The following LOC400499 variants were observed in gnomAD, a reference collection of about 807,000 sequenced individuals.
the LOC400499 span, among the ~76,000 whole-genome samples, chr16:11,438,580 G>A: frequency 1.9e-4 from 28 of 144,490 alleles, no homozygotes; most frequent in Non-Finnish European, 4.0e-4. Context: ...AGGCCAGCCT[G>A]GGCAACATAG....
chr16:11,385,842 C>T, the LOC400499 span, among the ~76,000 whole-genome samples: 1 of 152,202 alleles, frequency 6.6e-6, no homozygotes, highest in Non-Finnish European at 1.5e-5. Context: ...AGGCACAACT[C>T]TGAATAAATT....
At chr16:11,433,440 C>T in the LOC400499 span, among the ~76,000 whole-genome samples, 1 of 152,154 alleles carries the variant, frequency 6.6e-6, no homozygotes, top group South Asian at 2.1e-4. Flanking sequence ...CAATTTGTAC[C>T]AGAATGTGCA....
At chr16:11,407,163 C>A in the LOC400499 span, 1 of 398,920 alleles carries the variant, frequency 2.5e-6, no homozygotes, top group Non-Finnish European at 4.4e-6. Flanking sequence ...GGCCCCCCAC[C>A]CCAGCGTGCT....
chr16:11,391,932 G>T, the LOC400499 span: 2 of 792,532 alleles, frequency 2.5e-6, no homozygotes, highest in Non-Finnish European at 3.4e-6. Context: ...CTCCTGCCTG[G>T]TGAGTGGGGG....
the LOC400499 span, chr16:11,488,647 T>C: frequency 2.5e-6 from 1 of 397,956 alleles, no homozygotes; most frequent in Non-Finnish European, 4.4e-6. Context: ...GAGCTGGAGC[T>C]CCAGGGTCCC....
At chr16:11,489,196 T>A in the LOC400499 span, among the ~76,000 whole-genome samples, 3 of 152,316 alleles carry the variant, frequency 2.0e-5, no homozygotes, top group Non-Finnish European at 4.4e-5. Flanking sequence ...GGGTGGTCCC[T>A]CTGCCTCTCC....
chr16:11,424,087 G>A, the LOC400499 span: 3,608 of 399,438 alleles, frequency 9.0e-3, 25 homozygotes, highest in Non-Finnish European at 0.012. Context: ...GAGGGCCCGG[G>A]TGCAGCCCCC....
the LOC400499 span, chr16:11,383,619 G>A: frequency 8.1e-7 from 1 of 1,232,318 alleles, no homozygotes; most frequent in East Asian, 3.2e-5. Context: ...GGGGCAGAGT[G>A]CTAGATGGCT....
chr16:11,414,410 G>C, the LOC400499 span: 1 of 399,692 alleles, frequency 2.5e-6, no homozygotes, highest in East Asian at 3.6e-5. Flanking sequence ...GCCACCAGCT[G>C]CAGTGGGCCA....
At chr16:11,431,025 C>T in the LOC400499 span, 1 of 399,100 alleles carries the variant, frequency 2.5e-6, no homozygotes, top group Non-Finnish European at 4.4e-6. Context: ...TGGCGTTCCC[C>T]AGGCCCTCAC....
chr16:11,396,164 T>A, the LOC400499 span, among the ~76,000 whole-genome samples: 1 of 152,178 alleles, frequency 6.6e-6, no homozygotes, highest in South Asian at 2.1e-4. Flanking sequence ...GCCAGTACAA[T>A]TATACCCATT....
chr16:11,466,393 AT>A, the LOC400499 span, among the ~76,000 whole-genome samples: 50,999 of 148,856 alleles, frequency 0.34, 9,320 homozygotes, highest in African/African-American at 0.46. Flanking sequence ...ATTCATTTAG[AT>A]TTTTTTTTTT....
At chr16:11,523,622 G>A in the LOC400499 span, 20 of 394,166 alleles carry the variant, frequency 5.1e-5, no homozygotes, top group Middle Eastern at 1.3e-3. Context: ...CCTCAGGGGA[G>A]GGAGGGCCAC....
At chr16:11,457,002 C>T in the LOC400499 span, 22 of 1,534,780 alleles carry the variant, frequency 1.4e-5, no homozygotes, top group East Asian at 9.8e-5. Flanking sequence ...AAGCTGCACG[C>T]GGCAATCCAC....
At chr16:11,502,212 C>T in the LOC400499 span, 1 of 399,010 alleles carries the variant, frequency 2.5e-6, no homozygotes. Context: ...ATGAGACACC[C>T]AGCAGTGCGG....
the LOC400499 span, among the ~76,000 whole-genome samples, chr16:11,441,932 T>G: frequency 0.58 from 88,148 of 152,110 alleles, 26,571 homozygotes; most frequent in African/African-American, 0.75. Flanking sequence ...CACTAAGATT[T>G]CAGAGATTCG....
the LOC400499 span, chr16:11,390,270 C>T: frequency 8.1e-7 from 1 of 1,232,742 alleles, no homozygotes; most frequent in African/African-American, 1.5e-5. Context: ...CCCATCCTTG[C>T]TCACTCACCA....
chr16:11,475,186 G>A, the LOC400499 span, among the ~76,000 whole-genome samples: 1 of 152,066 alleles, frequency 6.6e-6, no homozygotes, highest in Admixed American at 6.6e-5. Context: ...AAGGGAGGGA[G>A]AGCATTAGGA....
At chr16:11,390,307 A>AG in the LOC400499 span, 1 of 1,232,866 alleles carries the variant, frequency 8.1e-7, no homozygotes, top group Non-Finnish European at 1.0e-6. Context: ...CATGGCCCCC[A>AG]GGGCCGCCCT....
Sources: gnomAD v4.1 joint callset for allele counts (sites outside exome capture counted in the v4.1 genomes callset) on GRCh38, gnomAD v4.1.1 for gene constraint, MANE v1.5 for transcripts.